Variants in HERC4 observed in about 807,000 individuals in gnomAD.
HERC4 encodes probable E3 ubiquitin-protein ligase HERC4.
A neutral mutation model predicts 124.3 loss-of-function variants in HERC4; 28 were observed. That is an observed-to-expected ratio of 0.23 (90% CI 0.17 to 0.31). The LOEUF (loss-of-function observed/expected upper bound fraction) is 0.31. Among genes scored for constraint, HERC4 ranks in the 10% least tolerant of loss-of-function variants. HERC4 has a pLI of 1.00. For missense variants in HERC4, 713 were observed against 1,229.3 expected (o/e 0.58, Z 6.28); for synonymous variants, 407 against 421.5 (o/e 0.97, Z 0.42).
At chr10:68,009,490 A>C (rs2037801140) in intron 9 of HERC4, among the ~76,000 whole-genome samples, 1 of 152,090 alleles carries the variant, frequency 6.6e-6, no homozygotes, top group Non-Finnish European at 1.5e-5. Flanking sequence ...ATTTAAAATC[A>C]CTTTATTGCT....
chr10:68,013,141 C>T (rs2038066684), intron 9 of HERC4, among the ~76,000 whole-genome samples: 1 of 152,202 alleles, frequency 6.6e-6, no homozygotes. Flanking sequence ...ATGTGCTCAT[C>T]TCTGTGTCAG....
At chr10:67,952,254 A>G (rs1270005086) in intron 19 of HERC4, among the ~76,000 whole-genome samples, 1 of 152,184 alleles carries the variant, frequency 6.6e-6, no homozygotes, top group African/African-American at 2.4e-5. Flanking sequence ...CGTGATTAAA[A>G]TCAACTGTTG....
At chr10:67,941,176 T>C (rs2032852079) in intron 19 of HERC4, 71 bp from the exon 20 acceptor site, 23 of 1,041,610 alleles carry the variant, frequency 2.2e-5, no homozygotes, top group Non-Finnish European at 3.1e-5. Context: ...ATTACATAAA[T>C]ATGCTCATAT....
At chr10:68,006,274 A>G (rs2037545733) in intron 9 of HERC4, among the ~76,000 whole-genome samples, 1 of 151,574 alleles carries the variant, frequency 6.6e-6, no homozygotes, top group Non-Finnish European at 1.5e-5. Flanking sequence ...GTTATTGTTC[A>G]TTAATGTCCC....
chr10:67,966,497 G>T, intron 16 of HERC4, 186 bp downstream of exon 16: 1 of 492,198 alleles, frequency 2.0e-6, no homozygotes, highest in Non-Finnish European at 3.4e-6. Context: ...TGGTAAAAGA[G>T]TAGAATGTTT....
chr10:67,991,791 A>G (rs769319266), intron 11 of HERC4, among the ~76,000 whole-genome samples: 2 of 152,254 alleles, frequency 1.3e-5, no homozygotes, highest in Non-Finnish European at 2.9e-5. Context: ...TTCAAGGCCA[A>G]TCCTAAAATG....
At chr10:67,957,411 G>T (rs1043347619) in intron 16 of HERC4, among the ~76,000 whole-genome samples, 18 of 152,102 alleles carry the variant, frequency 1.2e-4, no homozygotes, top group African/African-American at 4.3e-4. Context: ...TGTCATTAGG[G>T]TATCAAAATT....
chr10:67,954,551 A>T (rs1233214625), intron 19 of HERC4, 44 bp downstream of exon 19: 2 of 1,516,468 alleles, frequency 1.3e-6, no homozygotes, highest in Admixed American at 1.8e-5. Flanking sequence ...GTATAAATAC[A>T]TGGGTATATA....
intron 16 of HERC4, chr10:67,964,814 C>CCATGCTGGAGTGCAATGGTG (rs937412307): frequency 1.3e-5 from 2 of 152,048 alleles, no homozygotes; most frequent in Non-Finnish European, 2.9e-5. Flanking sequence ...ACACTGTCGC[C>CCATGCTGGAGTGCAATGGTG]CATGCTGGAG....
chr10:68,001,348 G>A (rs2037218507), intron 9 of HERC4, among the ~76,000 whole-genome samples: 1 of 150,822 alleles, frequency 6.6e-6, no homozygotes, highest in Non-Finnish European at 1.5e-5. Context: ...CTCTAGCCTG[G>A]GCAACAGAGT....
intron 19 of HERC4, among the ~76,000 whole-genome samples, chr10:67,951,345 T>C (rs1021651824): frequency 6.6e-6 from 1 of 152,206 alleles, no homozygotes; most frequent in Non-Finnish European, 1.5e-5. Flanking sequence ...CAGAGGCCAT[T>C]AGGACTAACT....
chr10:67,928,417 T>TGTA (rs1001920739), intron 23 of HERC4, among the ~76,000 whole-genome samples: 9 of 152,198 alleles, frequency 5.9e-5, no homozygotes, highest in African/African-American at 2.2e-4. Context: ...CTACCAGCTG[T>TGTA]GTAGCATCCT....
At chr10:68,073,919 A>C (rs1274383983) in intron 1 of HERC4, 1 of 152,210 alleles carries the variant, frequency 6.6e-6, no homozygotes, top group African/African-American at 2.4e-5. Flanking sequence ...AAAACATGCA[A>C]TTTAAATATC....
At chr10:67,998,424 G>A (rs1474521204) in intron 9 of HERC4, among the ~76,000 whole-genome samples, 2 of 151,372 alleles carry the variant, frequency 1.3e-5, no homozygotes, top group Non-Finnish European at 2.9e-5. Context: ...AGCACTGCTT[G>A]TAATTCCAGC....
intron 23 of HERC4, among the ~76,000 whole-genome samples, chr10:67,929,450 C>A (rs938631626): frequency 1.1e-4 from 16 of 152,206 alleles, no homozygotes; most frequent in African/African-American, 3.6e-4. Flanking sequence ...ATACAGTATG[C>A]AACCATTTGA....
chr10:68,069,653 T>C, intron 3 of HERC4: 1 of 982,662 alleles, frequency 1.0e-6, no homozygotes, highest in African/African-American at 1.7e-5. Flanking sequence ...CATTCCTTAT[T>C]AGTTATGGAA....
chr10:67,955,337 A>G, intron 17 of HERC4: 1 of 480,294 alleles, frequency 2.1e-6, no homozygotes, highest in Non-Finnish European at 3.6e-6. Flanking sequence ...ATACTAATGT[A>G]TAATGTATAA....
chr10:68,014,649 T>C (rs933800764), intron 8 of HERC4, among the ~76,000 whole-genome samples: 1 of 152,180 alleles, frequency 6.6e-6, no homozygotes, highest in African/African-American at 2.4e-5. Flanking sequence ...TATACACTTA[T>C]GCATGACAGA....
intron 3 of HERC4, chr10:68,069,269 ATT>A (rs1369872027): frequency 1.0e-6 from 1 of 959,224 alleles, no homozygotes; most frequent in African/African-American, 1.8e-5. Flanking sequence ...GATTAAATAT[ATT>A]TGTTAGCTAT....
Sources: gnomAD v4.1 joint callset for allele counts (sites outside exome capture counted in the v4.1 genomes callset) on GRCh38, gnomAD v4.1.1 for gene constraint, MANE v1.5 for transcripts, NCBI Gene and HGNC (gene_info 2026-07-23, HGNC 2026-07-21) for gene names.